The following CSGALNACT1 variants were observed in gnomAD, a reference collection of about 807,000 sequenced individuals.
CSGALNACT1 encodes the protein chondroitin sulfate N-acetylgalactosaminyltransferase 1, also known as beta4GalNAcT-1.
CSGALNACT1 carries 52 observed loss-of-function variants against 51.0 expected under a neutral mutation model. The observed-to-expected ratio is 1.02, with a 90% CI of 0.82 to 1.29. The LOEUF (loss-of-function observed/expected upper bound fraction) is 1.29, where lower values mean the gene tolerates loss of function less well. CSGALNACT1 is among the 50% of genes most tolerant of loss of function. The pLI, the probability that CSGALNACT1 is intolerant of heterozygous loss-of-function variation, is 0.00. For missense variants in CSGALNACT1, 935 were observed against 679.2 expected, an observed-to-expected ratio of 1.38 and a Z score of -4.19; for synonymous variants, 341 against 254.4, an observed-to-expected ratio of 1.34 and a Z score of -3.24.
intron 1 of CSGALNACT1, among the ~76,000 whole-genome samples, chr8:19,740,845 T>C (rs905481517): frequency 6.6e-6 from 1 of 152,222 alleles, no homozygotes; most frequent in Non-Finnish European, 1.5e-5. Context: ...TAGATGCTTA[T>C]GGATAGTTAT....
intron 4 of CSGALNACT1, among the ~76,000 whole-genome samples, chr8:19,497,801 C>A (rs1303820049): frequency 6.6e-6 from 1 of 152,136 alleles, no homozygotes; most frequent in Non-Finnish European, 1.5e-5. Context: ...TCAAAGTCAC[C>A]CCTCTGCTCC....
chr8:19,517,451 AAAG>A (rs2079781617), intron 3 of CSGALNACT1, among the ~76,000 whole-genome samples: 1 of 152,206 alleles, frequency 6.6e-6, no homozygotes, highest in Admixed American at 6.5e-5. Context: ...AAAAAAAAGA[AAAG>A]AAGAAAAAGA....
At chr8:19,421,515 T>C (rs1645986333) in intron 6 of CSGALNACT1, among the ~76,000 whole-genome samples, 1 of 152,172 alleles carries the variant, frequency 6.6e-6, no homozygotes, top group South Asian at 2.1e-4. Flanking sequence ...GACACCCTTC[T>C]TTTCCTAATG....
chr8:19,484,162 A>G (rs988230747), intron 4 of CSGALNACT1, among the ~76,000 whole-genome samples: 4 of 127,798 alleles, frequency 3.1e-5, no homozygotes, highest in African/African-American at 1.2e-4. Flanking sequence ...ATTTTACTTA[A>G]TAATGGCCCC....
At chr8:19,669,039 TCAAA>T (rs2059592334) in intron 1 of CSGALNACT1, among the ~76,000 whole-genome samples, 1 of 152,218 alleles carries the variant, frequency 6.6e-6, no homozygotes. Context: ...TTACAGGCTC[TCAAA>T]CAAATTCTGT....
intron 6 of CSGALNACT1, among the ~76,000 whole-genome samples, chr8:19,427,398 G>C (rs559073271): frequency 5.3e-5 from 8 of 152,212 alleles, no homozygotes; most frequent in African/African-American, 1.9e-4. Context: ...ATCAAAGCCA[G>C]CTTCAGCGGG....
At chr8:19,584,507 T>C (rs1298179301) in intron 3 of CSGALNACT1, among the ~76,000 whole-genome samples, 4 of 152,226 alleles carry the variant, frequency 2.6e-5, no homozygotes, top group African/African-American at 9.6e-5. Flanking sequence ...TTGTATTACA[T>C]GGTGATATCC....
intron 3 of CSGALNACT1, among the ~76,000 whole-genome samples, chr8:19,558,383 C>T (rs1321227927): frequency 6.6e-6 from 1 of 152,096 alleles, no homozygotes; most frequent in Non-Finnish European, 1.5e-5. Flanking sequence ...GGCTCTTTGC[C>T]CTTCTTAACA....
intron 4 of CSGALNACT1, among the ~76,000 whole-genome samples, chr8:19,467,294 T>A (rs1051760039): frequency 2.0e-5 from 3 of 151,876 alleles, no homozygotes; most frequent in Non-Finnish European, 4.4e-5. Flanking sequence ...TAATTTTTTT[T>A]ATTTTTTAAG....
chr8:19,532,923 A>G (rs949195989), intron 3 of CSGALNACT1, among the ~76,000 whole-genome samples: 15 of 152,090 alleles, frequency 9.9e-5, no homozygotes, highest in African/African-American at 3.6e-4. Flanking sequence ...CAACTGCCAT[A>G]CATCCCATCC....
intron 1 of CSGALNACT1, among the ~76,000 whole-genome samples, chr8:19,639,628 G>A (rs967447231): frequency 6.6e-6 from 1 of 152,102 alleles, no homozygotes; most frequent in African/African-American, 2.4e-5. Flanking sequence ...ACCAAGTCTT[G>A]GGAGTCAGGA....
chr8:19,435,124 G>C (rs1228948895), intron 6 of CSGALNACT1, among the ~76,000 whole-genome samples: 2 of 152,130 alleles, frequency 1.3e-5, no homozygotes, highest in Non-Finnish European at 2.9e-5. Flanking sequence ...CCTTGCTCCT[G>C]GGCAAAGATG....
At chr8:19,557,826 G>T (rs1206116463) in intron 3 of CSGALNACT1, among the ~76,000 whole-genome samples, 2 of 152,142 alleles carry the variant, frequency 1.3e-5, no homozygotes, top group Admixed American at 6.6e-5. Context: ...CCATGAGGAA[G>T]GAACTTCGTT....
chr8:19,444,407 G>A lies in CSGALNACT1; in HGVS notation c.852-4476C>T, dbSNP rs150534173. Reference sequence around the variant, plus strand: ...TCCTTGATTGCTTGAATCGGAGGGTGTGGTACCCTTGGATACAGTGGGCCA... The same window carrying A: ...TCCTTGATTGCTTGAATCGGAGGGTATGGTACCCTTGGATACAGTGGGCCA... On this transcript the variant is annotated intron_variant, in intron 5 of 9. Coordinates refer to ENST00000454498, the Ensembl canonical transcript of CSGALNACT1. Among the ~76,000 whole-genome samples the A allele has an allele frequency of 2.6e-3, 401 of 152,280 alleles. 2 individuals are homozygous for A. The highest frequency in any genetic ancestry group is 9.3e-3 in the African/African-American group (386 of 41,554).
chr8:19,513,936 T>C (rs2078981347), intron 3 of CSGALNACT1, among the ~76,000 whole-genome samples: 1 of 152,146 alleles, frequency 6.6e-6, no homozygotes, highest in Admixed American at 6.5e-5. Context: ...GAAGCCAAAA[T>C]GACCTGAAAA....
At chr8:19,430,548 G>A (rs1464062767) in intron 6 of CSGALNACT1, among the ~76,000 whole-genome samples, 1 of 152,102 alleles carries the variant, frequency 6.6e-6, no homozygotes, top group Non-Finnish European at 1.5e-5. Context: ...TCCGAACTCT[G>A]CTTTCCATCC....
At chr8:19,408,690 A>G in exon 9 of CSGALNACT1, 1 of 1,613,742 alleles carries the variant, frequency 6.2e-7, no homozygotes, top group South Asian at 1.1e-5. Flanking sequence ...TTCCTTCTTT[A>G]TGACCTGCAA....
intron 1 of CSGALNACT1, among the ~76,000 whole-genome samples, chr8:19,742,925 T>G (rs989572791): frequency 6.6e-6 from 1 of 152,238 alleles, no homozygotes; most frequent in Non-Finnish European, 1.5e-5. Flanking sequence ...TCTTTGCCTC[T>G]CTGAGCTTTG....
intron 4 of CSGALNACT1, among the ~76,000 whole-genome samples, chr8:19,500,894 T>C (rs558552637): frequency 6.6e-6 from 1 of 152,164 alleles, no homozygotes; most frequent in African/African-American, 2.4e-5. Context: ...GCAGGTTCAG[T>C]TGTCTGGTAA....
Sources: gnomAD v4.1 joint callset for allele counts (sites outside exome capture counted in the v4.1 genomes callset) on GRCh38, gnomAD v4.1.1 for gene constraint, MANE v1.5 for transcripts, NCBI Gene and HGNC (gene_info 2026-07-23, HGNC 2026-07-21) for gene names.